RPS6KA2: variants seen among roughly 807,000 people sequenced by gnomAD.
RPS6KA2 encodes the protein ribosomal protein S6 kinase alpha-2.
A neutral mutation model predicts 91.8 loss-of-function variants in RPS6KA2; 42 were observed. That is an observed-to-expected ratio of 0.46 (90% CI 0.36 to 0.59). The LOEUF (loss-of-function observed/expected upper bound fraction) is 0.59. Ranked by LOEUF, RPS6KA2 falls within the 20% of genes least tolerant of loss-of-function variation. RPS6KA2 has a pLI of 0.00. For missense variants in RPS6KA2, 798 were observed against 978.5 expected (o/e 0.82, Z 2.46); for synonymous variants, 414 against 393.6 (o/e 1.05, Z -0.61).
chr6:166,647,406 A>T (rs866106959), intron 2 of RPS6KA2, among the ~76,000 whole-genome samples: 30 of 152,094 alleles, frequency 2.0e-4, no homozygotes, highest in Middle Eastern at 3.4e-3. Flanking sequence ...GCTGGTGGGG[A>T]TGTGGGCCTC....
At chr6:166,647,264 G>A (rs1287189041) in intron 2 of RPS6KA2, among the ~76,000 whole-genome samples, 1 of 151,832 alleles carries the variant, frequency 6.6e-6, no homozygotes, top group East Asian at 1.9e-4. Flanking sequence ...GCCCTCCCAA[G>A]CCCAGCCCCT....
chr6:166,437,519 T>C lies in RPS6KA2; in HGVS notation c.1333-5029A>G, dbSNP rs1779366620. On this transcript the variant is annotated intron_variant, in intron 14 of 20. Transcript: ENST00000265678. The surrounding 1 kb of genome is among the most constrained non-coding windows in gnomAD (Gnocchi z 4.3). ...TTTTTCTCATCTGGCAACAGCTGGT[T>C]AGAAAGGACTCCTACAACCTCCAGA... Among the ~76,000 whole-genome samples, 1 of 152,136 alleles carries C rather than the reference T, an allele frequency of 6.6e-6. No individual in the cohort carries two copies. The highest frequency in any genetic ancestry group is 1.5e-5 in the Non-Finnish European group (1 of 68,022).
At chr6:166,551,285 A>T (rs1389890241) in intron 1 of RPS6KA2, among the ~76,000 whole-genome samples, 3 of 152,210 alleles carry the variant, frequency 2.0e-5, no homozygotes, top group African/African-American at 7.2e-5. Flanking sequence ...AATTGGGGCA[A>T]TGGAAGAGAA....
chr6:166,515,620 C>T (rs1208667778), intron 3 of RPS6KA2, among the ~76,000 whole-genome samples: 1 of 143,318 alleles, frequency 7.0e-6, no homozygotes, highest in African/African-American at 3.1e-5. Context: ...CCGAATGGAG[C>T]TCTTGTATCT....
intron 2 of RPS6KA2, among the ~76,000 whole-genome samples, chr6:166,830,355 G>A (rs1257610188): frequency 6.6e-6 from 1 of 152,148 alleles, no homozygotes; most frequent in Non-Finnish European, 1.5e-5. Flanking sequence ...GCTGAGGGAA[G>A]TGGAGAACAG....
intron 10 of RPS6KA2, chr6:166,475,770 T>C (rs1405676193): frequency 3.8e-6 from 2 of 531,616 alleles, no homozygotes; most frequent in Non-Finnish European, 7.7e-6. Context: ...GTGGGAGAAA[T>C]GCCAGTCTTA....
rs530153990 is a variant in RPS6KA2 at position 166,733,275 on chromosome 6, C to A, written c.123+124925G>T. On this transcript the variant is annotated intron_variant, in intron 2 of 21. Transcript: ENST00000503859. The surrounding 1 kb of genome is among the most constrained non-coding windows in gnomAD (Gnocchi z 4.1). ...GTGGACGGCACTGTTCCCAAAGTCACAGACCCTTTATGGACATGCAGGACT... is the reference window on the plus strand; with the variant it reads ...GTGGACGGCACTGTTCCCAAAGTCAAAGACCCTTTATGGACATGCAGGACT... 6.6e-6 allele frequency among the ~76,000 whole-genome samples: 1 copy of A among 152,334 alleles called. No individual in the cohort carries two copies. The highest frequency in any genetic ancestry group is 2.1e-4 in the South Asian group (1 of 4,826).
rs1787202717 is a variant in RPS6KA2 at position 166,635,420 on chromosome 6, G to T, written c.124-96636C>A. ...AGAGGGGAGAGAAAGCCCTACGGGA[G>T]CCCCCAGAGGAGCCCTTAGTCTCGC... On this transcript the variant is annotated intron_variant, in intron 2 of 21. Transcript: ENST00000503859. The surrounding 1 kb of genome is among the most constrained non-coding windows in gnomAD (Gnocchi z 4.8). Among the ~76,000 whole-genome samples the T allele has an allele frequency of 6.6e-6, 1 of 152,242 alleles. No homozygotes were observed. Among genetic ancestry groups the T allele is most frequent in the African/African-American group, 2.4e-5 (1 of 41,464 alleles).
At chr6:166,582,247 G>A (rs1785045648) in intron 1 of RPS6KA2, among the ~76,000 whole-genome samples, 3 of 152,196 alleles carry the variant, frequency 2.0e-5, no homozygotes, top group Admixed American at 1.3e-4. Context: ...GAGAGGGTGA[G>A]CACAGTGGCC....
rs558667210 is a variant in RPS6KA2 at position 166,603,055 on chromosome 6, C to T, written c.99+23866G>A. On this transcript the variant is annotated intron_variant, in intron 1 of 20. Coordinates refer to ENST00000265678, the MANE Select transcript of RPS6KA2 (RefSeq NM_021135.6). This position sits in a 1 kb window ranked among gnomAD's most constrained non-coding sequence, Gnocchi z 4.3. ...CCCTCTGGATGAGTTCATTCAAAGA[C>T]TAAGAGACCTAAACATTTGGAAATG... Among the ~76,000 whole-genome samples the T allele has an allele frequency of 6.6e-6, 1 of 152,176 alleles. No homozygotes were observed. Among genetic ancestry groups the T allele is most frequent in the African/African-American group, 2.4e-5 (1 of 41,440 alleles).
At chr6:166,698,666 C>T (rs962722739) in intron 2 of RPS6KA2, among the ~76,000 whole-genome samples, 5 of 152,106 alleles carry the variant, frequency 3.3e-5, no homozygotes, top group African/African-American at 4.8e-5. Context: ...GGGCAACTTC[C>T]GTTGAATATT....
rs565509662 is a variant in RPS6KA2, at chr6:166,849,605, T to C, written c.123+8595A>G. ...TGGAAATCCATGAGACCGTTCATCG[T>C]TTCAAGAAGGACATTGCAATGTTTA... is the stretch of plus-strand genomic sequence containing the variant. On this transcript the variant is annotated intron_variant, in intron 2 of 21. Coordinates refer to the RPS6KA2 transcript ENST00000503859. The surrounding 1 kb of genome is among the most constrained non-coding windows in gnomAD (Gnocchi z 4.9). Among the ~76,000 whole-genome samples, 1 of 152,102 alleles carries C rather than the reference T, an allele frequency of 6.6e-6. No homozygotes were observed. Among genetic ancestry groups the C allele is most frequent in the Non-Finnish European group, 1.5e-5 (1 of 68,016 alleles).
chr6:166,417,172 A>G (rs1778561954), intron 19 of RPS6KA2, among the ~76,000 whole-genome samples: 1 of 152,222 alleles, frequency 6.6e-6, no homozygotes. Context: ...GGCCAAATTC[A>G]AAGTATTTTA....
Position 166,679,995 on chromosome 6 carries a change from G to A in RPS6KA2, c.124-141211C>T, listed in dbSNP as rs140543794. Among the ~76,000 whole-genome samples the A allele has an allele frequency of 6.7e-3, 1,015 of 152,336 alleles. 19 individuals carry two copies. In the South Asian group the frequency reaches 0.071, roughly 11 times the overall value. On this transcript the variant is annotated intron_variant, in intron 2 of 21. Transcript: ENST00000503859. Reference sequence around the variant, plus strand: ...GGGCTTCTGGGATGGGTGGGGACTTGGAGAATTTTTCTGTCTAGCTAAAGG... The same window carrying A: ...GGGCTTCTGGGATGGGTGGGGACTTAGAGAATTTTTCTGTCTAGCTAAAGG...
At position 166,589,606 on chromosome 6, in the gene RPS6KA2, A is replaced by G. The variant is rs931707541; in HGVS notation, c.99+37315T>C. On this transcript the variant is annotated intron_variant, in intron 1 of 20. Transcript: ENST00000265678. ...GTATTTTACCCTCATTAAGTCGCAG[A>G]AAATAAGAGCCTAAAGGGAAACTGG... Among the ~76,000 whole-genome samples the G allele has an allele frequency of 3.9e-5, 6 of 152,236 alleles. No individual in the cohort carries two copies. The East Asian group carries it at 1.2e-3, about 29-fold the overall frequency.
At chr6:166,764,911 A>C (rs1313448642) in intron 2 of RPS6KA2, among the ~76,000 whole-genome samples, 2 of 152,226 alleles carry the variant, frequency 1.3e-5, no homozygotes, top group African/African-American at 2.4e-5. Context: ...CAGGAACGAC[A>C]AAGCACTTTG....
chr6:166,451,790 G>T (rs1406218331), intron 12 of RPS6KA2, among the ~76,000 whole-genome samples: 2 of 152,230 alleles, frequency 1.3e-5, no homozygotes, highest in African/African-American at 4.8e-5. Flanking sequence ...TAGTACGAAA[G>T]GAGTAATTCC....
intron 2 of RPS6KA2, among the ~76,000 whole-genome samples, chr6:166,838,343 T>C (rs1780372980): frequency 6.6e-6 from 1 of 152,196 alleles, no homozygotes; most frequent in African/African-American, 2.4e-5. Context: ...GATGAGAGTG[T>C]CAGCGTGTCA....
rs4994273 is a variant in RPS6KA2 at position 166,784,592 on chromosome 6, G to A, written c.123+73608C>T. ...TGCACACCTATGCAGAACCACATAT[G>A]CACACGTGCACACCTATGCAGAACC... On this transcript the variant is annotated intron_variant, in intron 2 of 21. Coordinates refer to the RPS6KA2 transcript ENST00000503859. Among the ~76,000 whole-genome samples, 11 of 2,704 alleles carry A rather than the reference G, an allele frequency of 4.1e-3. 1 individual carries two copies. Among genetic ancestry groups the A allele is most frequent in the Non-Finnish European group, 0.014 (4 of 296 alleles). The allele number at this position is 2,704 out of a possible 152,430, so 1.8% of individuals were successfully genotyped here. A position where few individuals can be genotyped will look rare whatever the true frequency, so the allele number is the denominator to read the frequency against.
Sources: allele counts gnomAD v4.1 joint callset (sites outside exome capture counted in the v4.1 genomes callset), GRCh38; gene constraint gnomAD v4.1.1; non-coding constraint Gnocchi (gnomAD v3.1); transcripts MANE v1.5; gene names NCBI Gene and HGNC (gene_info 2026-07-23, HGNC 2026-07-21).